The following TNKS variants were observed in gnomAD, a reference collection of about 807,000 sequenced individuals.
TNKS encodes the protein poly [ADP-ribose] polymerase tankyrase-1.
In TNKS, 72 loss-of-function variants were observed where a neutral mutation model predicts 135.8. The observed-to-expected ratio is 0.53, with a 90% CI of 0.44 to 0.64. The LOEUF (loss-of-function observed/expected upper bound fraction) is 0.64, where lower values mean the gene tolerates loss of function less well. Ranked by LOEUF, TNKS falls within the 30% of genes least tolerant of loss-of-function variation. The pLI is 0.00. For missense variants in TNKS, 1,769 were observed against 1,674.0 expected (o/e 1.06, Z -0.99); for synonymous variants, 849 against 649.3 (o/e 1.31, Z -4.68).
intron 17 of TNKS, among the ~76,000 whole-genome samples, chr8:9,741,299 G>A (rs1805946243): frequency 6.6e-6 from 1 of 152,050 alleles, no homozygotes; most frequent in Non-Finnish European, 1.5e-5. Flanking sequence ...TATCGTCTCT[G>A]TAAACTTACT....
Position 9,706,820 on chromosome 8 carries a change from T to G in TNKS, c.1279T>G (p.Cys427Gly). 2 of 1,609,258 alleles carry G rather than the reference T, an allele frequency of 1.2e-6. No homozygotes were observed. The highest frequency in any genetic ancestry group is 1.7e-6 in the Non-Finnish European group (2 of 1,178,634). The change falls in exon 8 of 27, where the codon TGT becomes GGT. Residue 427 changes from cysteine (C) to glycine (G), a missense_variant. Physicochemically the swap from Cys to Gly is radical, Grantham distance 159 (BLOSUM62 -3). This residue lies in a region of TNKS where 523 missense variants were observed against 541.0 expected (regional missense o/e 0.97). Transcript: ENST00000310430. ...TTTTTTCTCAATTCAGCATGGAGCT[T>G]GTGTTAATGCCATGGATCTCTGGCA... is the stretch of plus-strand genomic sequence containing the variant. ...VTELLLKHGA[C>G]VNAMDLWQFT...
intron 13 of TNKS, among the ~76,000 whole-genome samples, chr8:9,729,765 G>T (rs7014663): frequency 0.6 from 82,673 of 138,312 alleles, 24,785 homozygotes; most frequent in Middle Eastern, 0.71. Flanking sequence ...GAAAGAATAT[G>T]ATATTCTTTT....
At chr8:9,562,526 C>A (rs1797376895) in intron 1 of TNKS, among the ~76,000 whole-genome samples, 1 of 152,092 alleles carries the variant, frequency 6.6e-6, no homozygotes, top group Admixed American at 6.5e-5. Flanking sequence ...TTTTTCTATT[C>A]ATTCACTTTC....
intron 2 of TNKS, among the ~76,000 whole-genome samples, chr8:9,610,735 T>C (rs529883798): frequency 6.6e-5 from 10 of 152,350 alleles, no homozygotes; most frequent in African/African-American, 2.2e-4. Context: ...AAACATCTTC[T>C]GATAATTTAC....
At chr8:9,575,074 GA>G in intron 1 of TNKS, 2 of 985,062 alleles carry the variant, frequency 2.0e-6, no homozygotes, top group Non-Finnish European at 2.4e-6. Context: ...TGAGACAAGT[GA>G]ATCTCTCCAT....
At chr8:9,650,575 G>A (rs555930836) in intron 3 of TNKS, among the ~76,000 whole-genome samples, 13 of 152,084 alleles carry the variant, frequency 8.5e-5, no homozygotes, top group Non-Finnish European at 1.6e-4. Flanking sequence ...GTAATGTTGA[G>A]CATTTTTTCA....
intron 1 of TNKS, among the ~76,000 whole-genome samples, chr8:9,560,087 A>C (rs1176946146): frequency 6.6e-6 from 1 of 152,164 alleles, no homozygotes; most frequent in Non-Finnish European, 1.5e-5. Flanking sequence ...AAAGTATAGC[A>C]GTCAAAATAG....
intron 3 of TNKS, among the ~76,000 whole-genome samples, chr8:9,656,991 A>G (rs1302041690): frequency 7.7e-5 from 10 of 129,610 alleles, no homozygotes; most frequent in Admixed American, 6.9e-4. Context: ...TTAGTGCAGA[A>G]CAAAATGAAA....
intron 2 of TNKS, among the ~76,000 whole-genome samples, chr8:9,597,677 T>C (rs1342587553): frequency 6.6e-6 from 1 of 152,202 alleles, no homozygotes; most frequent in Non-Finnish European, 1.5e-5. Flanking sequence ...TATGAAATAA[T>C]TGGTTAATAT....
chr8:9,576,033 G>T (rs932799658), intron 1 of TNKS, among the ~76,000 whole-genome samples: 1 of 152,158 alleles, frequency 6.6e-6, no homozygotes, highest in Non-Finnish European at 1.5e-5. Context: ...TCTGTAGAAG[G>T]TGTAGAAGAG....
intron 2 of TNKS, among the ~76,000 whole-genome samples, chr8:9,593,642 A>G (rs947285061): frequency 2.6e-5 from 4 of 152,176 alleles, no homozygotes; most frequent in African/African-American, 9.6e-5. Flanking sequence ...CTCTCTGTTA[A>G]TTTCCTTATA....
chr8:9,740,315 T>G (rs887465743), intron 17 of TNKS, among the ~76,000 whole-genome samples: 3 of 152,180 alleles, frequency 2.0e-5, no homozygotes, highest in Non-Finnish European at 4.4e-5. Flanking sequence ...CCAGGTGTTC[T>G]CACAGTTGGA....
intron 1 of TNKS, among the ~76,000 whole-genome samples, chr8:9,561,320 T>A (rs770628752): frequency 6.6e-6 from 1 of 152,338 alleles, no homozygotes; most frequent in East Asian, 1.9e-4. Context: ...AACTTATGAC[T>A]TTCCTTATAG....
chr8:9,571,676 C>G (rs1041220480), intron 1 of TNKS, among the ~76,000 whole-genome samples: 6 of 152,104 alleles, frequency 3.9e-5, no homozygotes, highest in African/African-American at 9.7e-5. Flanking sequence ...CTGGGATGTT[C>G]TCGATCTCCT....
chr8:9,740,793 A>G (rs1358879114), intron 17 of TNKS: 2 of 150,114 alleles, frequency 1.3e-5, no homozygotes, highest in Admixed American at 6.7e-5. Flanking sequence ...TGCTGCTAAC[A>G]TACTACATAT....
At chr8:9,659,841 G>A (rs189506758) in intron 3 of TNKS, among the ~76,000 whole-genome samples, 10 of 152,062 alleles carry the variant, frequency 6.6e-5, no homozygotes, top group Non-Finnish European at 8.8e-5. Context: ...AACCGCTAGC[G>A]AGACTAATAA....
At chr8:9,666,090 G>A (rs977921953) in intron 3 of TNKS, among the ~76,000 whole-genome samples, 11 of 152,172 alleles carry the variant, frequency 7.2e-5, no homozygotes, top group Non-Finnish European at 1.6e-4. Context: ...TGTAGTAACA[G>A]CTTTTGCTGC....
At chr8:9,637,276 T>TA (rs1800548640) in intron 3 of TNKS, among the ~76,000 whole-genome samples, 1 of 152,274 alleles carries the variant, frequency 6.6e-6, no homozygotes, top group East Asian at 1.9e-4. Flanking sequence ...TGCCTGTGAG[T>TA]ATCATGTTGT....
chr8:9,759,581 A>T (rs1484749273), intron 20 of TNKS, among the ~76,000 whole-genome samples: 4 of 152,194 alleles, frequency 2.6e-5, no homozygotes, highest in African/African-American at 7.2e-5. Flanking sequence ...AATATATTAA[A>T]TATTCTCCAT....
Sources: allele counts gnomAD v4.1 joint callset (sites outside exome capture counted in the v4.1 genomes callset), GRCh38; gene constraint gnomAD v4.1.1; regional missense constraint gnomAD v4.1.1; transcripts MANE v1.5; gene names NCBI Gene and HGNC (gene_info 2026-07-23, HGNC 2026-07-21).